AFF3: variants seen among roughly 807,000 people sequenced by gnomAD.
AFF3 encodes the protein ALF transcription elongation factor 3.
Under a neutral mutation model 129.7 loss-of-function variants are expected in AFF3, and 32 were observed. The observed-to-expected ratio is 0.25, with a 90% CI of 0.19 to 0.33. AFF3 has a LOEUF of 0.33. Ranked by LOEUF, AFF3 falls within the 10% of genes least tolerant of loss-of-function variation. AFF3 has a pLI of 1.00. For missense variants in AFF3, 1,373 were observed against 1,592.0 expected (o/e 0.86, Z 2.34); for synonymous variants, 644 against 635.4 (o/e 1.01, Z -0.20).
At chr2:99,942,109 C>T (rs1350158733) in intron 7 of AFF3, among the ~76,000 whole-genome samples, 3 of 152,164 alleles carry the variant, frequency 2.0e-5, no homozygotes, top group African/African-American at 7.2e-5. Context: ...TCTAGTGAAT[C>T]GTTCAGCACT....
intron 13 of AFF3, among the ~76,000 whole-genome samples, chr2:99,615,791 G>A (rs776366581): frequency 5.9e-5 from 9 of 152,232 alleles, no homozygotes; most frequent in Admixed American, 2.0e-4. Flanking sequence ...TGCCCCAGAT[G>A]AGCGAATAAC....
At chr2:99,878,958 C>T (rs548428238) in intron 7 of AFF3, among the ~76,000 whole-genome samples, 1 of 152,032 alleles carries the variant, frequency 6.6e-6, no homozygotes, top group East Asian at 1.9e-4. Context: ...ACTAGATAAC[C>T]CTAAGGCCAC....
intron 13 of AFF3, among the ~76,000 whole-genome samples, chr2:99,627,635 T>C (rs889515327): frequency 6.6e-6 from 1 of 152,244 alleles, no homozygotes; most frequent in Non-Finnish European, 1.5e-5. Flanking sequence ...ATCTTTGTCA[T>C]GAAATCTTTG....
At chr2:99,756,575 C>A (rs1296670878) in intron 8 of AFF3, among the ~76,000 whole-genome samples, 2 of 152,136 alleles carry the variant, frequency 1.3e-5, no homozygotes, top group Non-Finnish European at 2.9e-5. Flanking sequence ...GGATCCAGTT[C>A]CATCAGTATC....
chr2:99,575,480 C>G (rs1676903516), intron 18 of AFF3, among the ~76,000 whole-genome samples: 2 of 146,782 alleles, frequency 1.4e-5, no homozygotes, highest in Admixed American at 1.4e-4. Flanking sequence ...AGGCTCGTCT[C>G]AAGCTCCTGA....
rs374799155 is a variant in AFF3, at chr2:99,603,490, TTA to T, written c.1185-1871_1185-1870del. Among the ~76,000 whole-genome samples, 18 of 152,286 alleles carry T rather than the reference TTA, an allele frequency of 1.2e-4. No individual in the cohort carries two copies. The South Asian group carries it at 3.3e-3, about 28-fold the overall frequency. ...TATACAAAAATCGACTCAAGATAGATTATAGACTTAAATTTACAAACTAAAAC... is the reference window on the plus strand; with the variant it reads ...TATACAAAAATCGACTCAAGATAGATTAGACTTAAATTTACAAACTAAAAC... On this transcript the variant is annotated intron_variant, in intron 13 of 24. Coordinates refer to ENST00000672756, the MANE Select transcript of AFF3 (RefSeq NM_001386135.1).
intron 7 of AFF3, among the ~76,000 whole-genome samples, chr2:99,884,527 T>A (rs569174561): frequency 3.3e-5 from 5 of 152,236 alleles, no homozygotes; most frequent in Admixed American, 2.0e-4. Context: ...GCCTCCCCAG[T>A]AGCTGGGACT....
chr2:99,692,771 G>A (rs575875648), intron 11 of AFF3, among the ~76,000 whole-genome samples: 1 of 152,326 alleles, frequency 6.6e-6, no homozygotes, highest in East Asian at 1.9e-4. Flanking sequence ...TCTGGACTGA[G>A]ATGATGCATT....
At chr2:99,792,591 A>G (rs1685275982) in intron 8 of AFF3, among the ~76,000 whole-genome samples, 1 of 152,212 alleles carries the variant, frequency 6.6e-6, no homozygotes, top group South Asian at 2.1e-4. Context: ...TTCCTTTATC[A>G]TTAGTTAAGC....
chr2:100,116,996 C>T (rs1691759953), intron 2 of AFF3, among the ~76,000 whole-genome samples: 1 of 152,172 alleles, frequency 6.6e-6, no homozygotes, highest in Admixed American at 6.5e-5. Context: ...ACTTTGAGTG[C>T]TGTCAACTTT....
At chr2:99,856,439 G>T (rs1407697707) in intron 7 of AFF3, among the ~76,000 whole-genome samples, 1 of 152,100 alleles carries the variant, frequency 6.6e-6, no homozygotes, top group African/African-American at 2.4e-5. Flanking sequence ...CAAATTCATT[G>T]AATTGTCCAT....
At chr2:100,038,922 C>A (rs2105032424) in intron 4 of AFF3, among the ~76,000 whole-genome samples, 1 of 152,090 alleles carries the variant, frequency 6.6e-6, no homozygotes, top group African/African-American at 2.4e-5. Context: ...CGGGGTTTCA[C>A]CATGTTGGCC....
intron 2 of AFF3, among the ~76,000 whole-genome samples, chr2:100,109,327 C>T (rs1306352931): frequency 7.0e-6 from 1 of 143,052 alleles, no homozygotes; most frequent in African/African-American, 2.6e-5. Flanking sequence ...GTACTAAAGG[C>T]TGGTGGGTGA....
intron 7 of AFF3, among the ~76,000 whole-genome samples, chr2:99,871,427 T>C (rs1691857681): frequency 6.6e-6 from 1 of 152,114 alleles, no homozygotes; most frequent in South Asian, 2.1e-4. Flanking sequence ...GTTCTATTTC[T>C]CACCTCAATG....
intron 4 of AFF3, among the ~76,000 whole-genome samples, chr2:100,066,801 G>A (rs1687758221): frequency 1.3e-5 from 2 of 152,274 alleles, no homozygotes; most frequent in South Asian, 2.1e-4. Flanking sequence ...AAGGAGAACC[G>A]AACAATGCTG....
chr2:99,721,825 T>A (rs1377424896), intron 11 of AFF3, among the ~76,000 whole-genome samples: 1 of 152,236 alleles, frequency 6.6e-6, no homozygotes, highest in African/African-American at 2.4e-5. Context: ...TCATCCAATT[T>A]GGGAAGTTTT....
intron 4 of AFF3, among the ~76,000 whole-genome samples, chr2:100,059,254 C>CCAA (rs777058214): frequency 1.5e-3 from 48 of 31,028 alleles, no homozygotes; most frequent in African/African-American, 7.0e-3. Flanking sequence ...ACTCTGTCTC[C>CCAA]AAAAAAAAAA....
chr2:99,997,014 C>G (rs1680905296), intron 7 of AFF3, among the ~76,000 whole-genome samples: 1 of 152,108 alleles, frequency 6.6e-6, no homozygotes, highest in Non-Finnish European at 1.5e-5. Context: ...TCTGCTGGTT[C>G]CTTCTCATCA....
intron 11 of AFF3, among the ~76,000 whole-genome samples, chr2:99,694,042 C>T (rs144371514): frequency 0.025 from 3,788 of 151,976 alleles, 135 homozygotes; most frequent in African/African-American, 0.081. Context: ...CTCAGCCTCC[C>T]GAGTAGCTGG....
Sources: allele counts gnomAD v4.1 joint callset (sites outside exome capture counted in the v4.1 genomes callset), GRCh38; gene constraint gnomAD v4.1.1; transcripts MANE v1.5; gene names NCBI Gene and HGNC (gene_info 2026-07-23, HGNC 2026-07-21).